TMEM132C: variants seen among roughly 807,000 people sequenced by gnomAD.
TMEM132C encodes transmembrane protein 132C.
In TMEM132C, 29 loss-of-function variants were observed where a neutral mutation model predicts 61.4. The ratio of observed to expected loss-of-function variants is 0.47; its 90% CI spans 0.35 to 0.64. The LOEUF is 0.64. Among genes scored for constraint, TMEM132C ranks in the 30% least tolerant of loss-of-function variants. TMEM132C has a pLI of 0.00. For missense variants in TMEM132C, 1,408 were observed against 1,476.9 expected (o/e 0.95, Z 0.76); for synonymous variants, 656 against 633.1 (o/e 1.04, Z -0.54).
chr12:128,364,331 G>A lies in TMEM132C; in HGVS notation c.86-50401G>A, dbSNP rs7957867. Among the ~76,000 whole-genome samples, 16 of 31,852 alleles carry A rather than the reference G, an allele frequency of 5.0e-4. No homozygotes were observed. The East Asian group carries it at 6.0e-3, about 12-fold the overall frequency. 20.9% of individuals were successfully genotyped at this position (31,852 alleles called of 152,430 possible). A position where few individuals can be genotyped will look rare whatever the true frequency, so the allele number is the denominator to read the frequency against. ...TCCCCCTCCTCCCCTCCCCGCCCCC[G>A]CATCATTCTCACTCAGTCACACACA... On this transcript the variant is annotated intron_variant, in intron 1 of 8. Transcript: ENST00000435159.
At position 128,293,166 on chromosome 12, in the gene TMEM132C, C is replaced by G. The variant is rs143965484; in HGVS notation, c.85+25679C>G. Reference sequence around the variant, plus strand: ...GAGGATCCTCTTTAAAAACTGGGTCCAAACTCCCTCTGGTCTCATTTTGCA... The same window carrying G: ...GAGGATCCTCTTTAAAAACTGGGTCGAAACTCCCTCTGGTCTCATTTTGCA... On this transcript the variant is annotated intron_variant, in intron 1 of 8. Transcript: ENST00000435159. Among the ~76,000 whole-genome samples, 12 of 152,244 alleles carry G rather than the reference C, an allele frequency of 7.9e-5. No homozygotes were observed. In the East Asian group the frequency reaches 2.1e-3, roughly 27 times the overall value.
chr12:128,341,972 T>A (rs538723011), intron 1 of TMEM132C, among the ~76,000 whole-genome samples: 1 of 151,714 alleles, frequency 6.6e-6, no homozygotes. Flanking sequence ...CACAGTCAAC[T>A]CCACCTTCCA....
chr12:128,325,072 C>T (rs556674252), intron 1 of TMEM132C, among the ~76,000 whole-genome samples: 4 of 152,128 alleles, frequency 2.6e-5, no homozygotes, highest in African/African-American at 9.7e-5. Context: ...AGAGGTACTA[C>T]TTGAAGGCCT....
chr12:128,669,975 G>A (rs570554523), intron 5 of TMEM132C, among the ~76,000 whole-genome samples: 168 of 152,278 alleles, frequency 1.1e-3, no homozygotes, highest in Middle Eastern at 3.4e-3. Flanking sequence ...ATTAACATAT[G>A]CATAACCTCA....
chr12:128,305,885 C>G (rs559029672), intron 1 of TMEM132C, among the ~76,000 whole-genome samples: 2 of 152,098 alleles, frequency 1.3e-5, no homozygotes, highest in African/African-American at 4.8e-5. Context: ...CTAGAACTGA[C>G]GGTAGCCTGG....
chr12:128,306,791 A>G (rs1432871556), intron 1 of TMEM132C, among the ~76,000 whole-genome samples: 1 of 152,174 alleles, frequency 6.6e-6, no homozygotes, highest in African/African-American at 2.4e-5. Flanking sequence ...TGAAAGAATC[A>G]GTGATGATTC....
At chr12:128,555,042 C>T (rs1350903790) in intron 3 of TMEM132C, among the ~76,000 whole-genome samples, 1 of 152,164 alleles carries the variant, frequency 6.6e-6, no homozygotes, top group Non-Finnish European at 1.5e-5. Flanking sequence ...CTGCTGCATC[C>T]CCAAGCTCCT....
intron 3 of TMEM132C, among the ~76,000 whole-genome samples, chr12:128,566,037 G>T (rs1344573016): frequency 6.6e-6 from 1 of 152,032 alleles, no homozygotes. Flanking sequence ...TTACAGGCGT[G>T]TGCCACCATG....
rs185553624 is a variant in TMEM132C at position 128,650,426 on chromosome 12, A to T, written c.1306-18991A>T. 1.7e-3 allele frequency among the ~76,000 whole-genome samples: 259 copies of T among 152,180 alleles called. 1 individual carries two copies. Among genetic ancestry groups the T allele is most frequent in the Middle Eastern group, 6.8e-3 (2 of 294 alleles). On this transcript the variant is annotated intron_variant, in intron 4 of 8. Transcript: ENST00000435159. ...TTAATATGGATAAAGTTTTATTTTT[A>T]AAAAAAGGTGGGGGAAGCATGGCAT... is the stretch of plus-strand genomic sequence containing the variant.
intron 1 of TMEM132C, among the ~76,000 whole-genome samples, chr12:128,291,331 C>G (rs1009627000): frequency 6.6e-6 from 1 of 152,332 alleles, no homozygotes; most frequent in South Asian, 2.1e-4. Flanking sequence ...TTTCTGTCCC[C>G]ACACGCTAGA....
chr12:128,327,222 CA>C (rs1872549790), intron 1 of TMEM132C, among the ~76,000 whole-genome samples: 1 of 150,044 alleles, frequency 6.7e-6, no homozygotes, highest in Non-Finnish European at 1.5e-5. Flanking sequence ...GAAAATTAAA[CA>C]AGGAGTTGTC....
rs75085836 is a variant in TMEM132C, at chr12:128,364,275, C to T, written c.86-50457C>T. 2.9e-3 allele frequency among the ~76,000 whole-genome samples: 440 copies of T among 150,588 alleles called. 11 individuals carry two copies. In the East Asian group the frequency reaches 0.056, roughly 19 times the overall value. ...TCTCCTCTCTTCCTCTCACCCCTCC[C>T]TCTCTCCCCCTATCTTTCTCTCTCT... On this transcript the variant is annotated intron_variant, in intron 1 of 8. Coordinates refer to ENST00000435159, the MANE Select transcript of TMEM132C (RefSeq NM_001136103.3).
intron 4 of TMEM132C, among the ~76,000 whole-genome samples, chr12:128,645,710 G>T (rs1313123671): frequency 6.6e-6 from 1 of 152,232 alleles, no homozygotes; most frequent in Non-Finnish European, 1.5e-5. Flanking sequence ...CCCCCTTTGG[G>T]CTCAGTCCAT....
At chr12:128,648,493 T>A (rs537532781) in intron 4 of TMEM132C, among the ~76,000 whole-genome samples, 3 of 151,810 alleles carry the variant, frequency 2.0e-5, no homozygotes, top group Non-Finnish European at 4.4e-5. Context: ...TGGATATGAG[T>A]GTGTTTACTG....
At chr12:128,669,280 T>A in intron 4 of TMEM132C, 137 bp from the exon 5 acceptor site, 1 of 909,958 alleles carries the variant, frequency 1.1e-6, no homozygotes, top group Middle Eastern at 2.3e-4. Context: ...CCTGGTACAG[T>A]ATGTAAATGG....
chr12:128,367,572 G>A (rs533019838), intron 1 of TMEM132C, among the ~76,000 whole-genome samples: 19 of 152,190 alleles, frequency 1.2e-4, no homozygotes, highest in Admixed American at 2.6e-4. Context: ...CCTAGCAAGC[G>A]CACAGAGACC....
intron 1 of TMEM132C, among the ~76,000 whole-genome samples, chr12:128,323,538 G>A (rs755384677): frequency 2.6e-5 from 4 of 152,184 alleles, no homozygotes; most frequent in Non-Finnish European, 5.9e-5. Flanking sequence ...AGCAAGAGGC[G>A]AATCTTTGCT....
chr12:128,392,392 C>G (rs1001039640), intron 1 of TMEM132C, among the ~76,000 whole-genome samples: 3 of 152,144 alleles, frequency 2.0e-5, no homozygotes, highest in South Asian at 2.1e-4. Context: ...TCTCAAATAA[C>G]ATTTGAGTGT....
At chr12:128,408,493 A>C (rs1032903043) in intron 1 of TMEM132C, among the ~76,000 whole-genome samples, 1 of 152,202 alleles carries the variant, frequency 6.6e-6, no homozygotes, top group Non-Finnish European at 1.5e-5. Flanking sequence ...CCTACACTTC[A>C]AGATTTAAGA....
Sources: allele counts gnomAD v4.1 joint callset (sites outside exome capture counted in the v4.1 genomes callset), GRCh38; gene constraint gnomAD v4.1.1; transcripts MANE v1.5; gene names NCBI Gene and HGNC (gene_info 2026-07-23, HGNC 2026-07-21).